SPTBN4: variants seen among roughly 807,000 people sequenced by gnomAD.
The protein encoded by SPTBN4 is spectrin beta, non-erythrocytic 4, also known as spectrin beta chain, non-erythrocytic 4.
In SPTBN4, 96 loss-of-function variants were observed where a neutral mutation model predicts 277.8. The observed-to-expected ratio is 0.35, with a 90% confidence interval of 0.29 to 0.41. The LOEUF (loss-of-function observed/expected upper bound fraction) is 0.41. Among genes scored for constraint, SPTBN4 ranks in the 10% least tolerant of loss-of-function variants. SPTBN4 has a pLI of 1.00. For missense variants in SPTBN4, 3,006 were observed against 3,595.7 expected (o/e 0.84, Z 4.19); for synonymous variants, 1,481 against 1,580.3 (o/e 0.94, Z 1.49).
chr19:40,494,577 C>CTA (rs372492225), intron 5 of SPTBN4, among the ~76,000 whole-genome samples: 120 of 151,844 alleles, frequency 7.9e-4, no homozygotes, highest in Non-Finnish European at 1.4e-3. Flanking sequence ...TTCTATCAAT[C>CTA]TATATATATA....
intron 1 of SPTBN4, 84 bp from the exon 2 acceptor site, chr19:40,472,523 C>A: frequency 7.9e-7 from 1 of 1,271,792 alleles, no homozygotes; most frequent in Non-Finnish European, 1.1e-6. Flanking sequence ...AAATTGAGGA[C>A]AAGAGAGGGG....
rs757249800 is a variant in SPTBN4 at position 40,497,618 on chromosome 19, G to C, written c.784+14G>C. The C allele has an allele frequency of 3.1e-6, 5 of 1,609,294 alleles. No individual in the cohort carries two copies. The East Asian group carries it at 1.1e-4, about 36-fold the overall frequency. On this transcript the variant is annotated intron_variant, in intron 7 of 35. Coordinates refer to ENST00000598249, the MANE Select transcript of SPTBN4 (RefSeq NM_020971.3). ...TGGATCCTGAAGGTGAGCCTCTCGC[G>C]GGCCCAGCCCAGACTTCGTCTTGGG... is the stretch of plus-strand genomic sequence containing the variant.
At position 40,523,557 on chromosome 19, in the gene SPTBN4, G is replaced by T. The variant is rs578153986; in HGVS notation, c.3775G>T (p.Val1259Leu). Reference protein sequence around the residue: ...ELSQQKMQVAVQAAEGLLRQG... With the variant: ...ELSQQKMQVALQAAEGLLRQG... ...GAGCCAGCAAAAGATGCAGGTGGCC[G>T]TGCAGGCTGCAGAGGGCCTGCTGAG... The change falls in exon 17 of 36, where the codon GTG becomes TTG. Residue 1259 changes from valine to leucine, a missense_variant. This residue lies in a region of SPTBN4 where 1,759 missense variants were observed against 2,061.5 expected (regional missense o/e 0.85). Coordinates refer to ENST00000598249, the MANE Select transcript of SPTBN4 (RefSeq NM_020971.3). 6.2e-7 allele frequency: 1 copy of T among 1,614,164 alleles called. No individual in the cohort carries two copies. Among genetic ancestry groups the T allele is most frequent in the East Asian group, 2.2e-5 (1 of 44,876 alleles).
chr19:40,570,850 A>T lies in SPTBN4; in HGVS notation c.7319+122A>T. 33 of 912,752 alleles carry T rather than the reference A, an allele frequency of 3.6e-5. No individual in the cohort carries two copies. In the Middle Eastern group the frequency reaches 1.2e-3, roughly 33 times the overall value. The allele number at this position is 912,752 out of a possible 1,614,324, so 56.5% of individuals were successfully genotyped here. A position where few individuals can be genotyped will look rare whatever the true frequency, so the allele number is the denominator to read the frequency against. ...AGGCCCTCCAGCAGGTGGCGGTAGT[A>T]GGTGGGGCCAGAGCTGGGGGGTGGT... On this transcript the variant is annotated intron_variant, in intron 33 of 35. Coordinates refer to ENST00000598249, the MANE Select transcript of SPTBN4 (RefSeq NM_020971.3).
intron 20 of SPTBN4, 54 bp from the exon 21 acceptor site, chr19:40,549,135 C>T: frequency 3.5e-6 from 5 of 1,442,546 alleles, no homozygotes; most frequent in Non-Finnish European, 4.7e-6. Flanking sequence ...TGGAGAGCCA[C>T]AGCAGGATCA....
chr19:40,470,002 A>T (rs142641416), intron 1 of SPTBN4, among the ~76,000 whole-genome samples: 1,786 of 139,022 alleles, frequency 0.013, 32 homozygotes, highest in Non-Finnish European at 0.014. Context: ...CATTTAATTT[A>T]ATTTTATTTT....
At chr19:40,496,442 G>A (rs1050056938) in intron 6 of SPTBN4, among the ~76,000 whole-genome samples, 6 of 151,868 alleles carry the variant, frequency 4.0e-5, no homozygotes, top group South Asian at 2.1e-4. Flanking sequence ...GTGCCACCAC[G>A]CCCGGCTAAT....
Position 40,565,540 on chromosome 19 carries a change from C to T in SPTBN4, c.6033C>T (p.Asn2011=), listed in dbSNP as rs556991111. ...AGCTGGGGCGATCTCTGCTGCTCAA[C>T]AAAAGTGCCATGGCTGATGAGGTGG... ...CQELGRSLLL[N]KSAMADEIQA... Residue 2011 remains asparagine (N), a synonymous_variant, in exon 28 of 36, where the codon AAC becomes AAT. Transcript: ENST00000598249. 1 of 1,614,004 alleles carries T rather than the reference C, an allele frequency of 6.2e-7. No individual in the cohort carries two copies. The highest frequency in any genetic ancestry group is 1.1e-5 in the South Asian group (1 of 91,080).
chr19:40,567,426 AT>A (rs2081105691), intron 30 of SPTBN4, among the ~76,000 whole-genome samples: 1 of 152,194 alleles, frequency 6.6e-6, no homozygotes, highest in Admixed American at 6.5e-5. Context: ...GATTTACCCA[AT>A]TTTTAAAAAA....
intron 13 of SPTBN4, among the ~76,000 whole-genome samples, chr19:40,510,302 G>A (rs1044225549): frequency 6.7e-6 from 1 of 150,248 alleles, no homozygotes; most frequent in African/African-American, 2.5e-5. Flanking sequence ...TTTTTTTTTT[G>A]TTGTTGTTGT....
rs376426807 is a variant in SPTBN4, at chr19:40,503,980, C to T, written c.1513C>T (p.Arg505Trp). 29 of 1,613,892 alleles carry T rather than the reference C, an allele frequency of 1.8e-5. No individual in the cohort carries two copies. The African/African-American group carries it at 2.3e-4, about 13-fold the overall frequency. ...AGCCGAAGGCTACTACGATATCCGGCGGGTGGCAGCCCAGCGTGACAGCGT... is the reference window on the plus strand; with the variant it reads ...AGCCGAAGGCTACTACGATATCCGGTGGGTGGCAGCCCAGCGTGACAGCGT... ...LAAEGYYDIR[R>W]VAAQRDSVLR... The change falls in exon 12 of 36, where the codon CGG becomes TGG. Residue 505 changes from arginine (R) to tryptophan (W), a missense_variant. Coordinates refer to ENST00000598249, the MANE Select transcript of SPTBN4 (RefSeq NM_020971.3).
At chr19:40,522,679 C>A (rs573069115) in intron 16 of SPTBN4, among the ~76,000 whole-genome samples, 32 of 152,118 alleles carry the variant, frequency 2.1e-4, no homozygotes, top group African/African-American at 7.7e-4. Flanking sequence ...TTACTGAGTG[C>A]CTCCTCTGTG....
rs1205919868 is a variant in SPTBN4 at position 40,574,421 on chromosome 19, G to A, written c.7537-990G>A. Among the ~76,000 whole-genome samples the A allele has an allele frequency of 1.3e-5, 2 of 151,618 alleles. 1 individual carries two copies. Among genetic ancestry groups the A allele is most frequent in the African/African-American group, 4.8e-5 (2 of 41,304 alleles). On this transcript the variant is annotated intron_variant, in intron 35 of 35. Transcript: ENST00000598249. ...TTGTCACCCAGGCTGGAGTGCCATG[G>A]CGCAATCTCAGCTCACTGCAACCTC...
intron 2 of SPTBN4, among the ~76,000 whole-genome samples, chr19:40,480,961 AC>A (rs2080004208): frequency 6.6e-6 from 1 of 152,106 alleles, no homozygotes; most frequent in Non-Finnish European, 1.5e-5. Flanking sequence ...GCTACTCAGG[AC>A]GCTGAGGCAG....
At chr19:40,521,567 G>A (rs2080526973) in intron 16 of SPTBN4, among the ~76,000 whole-genome samples, 1 of 152,128 alleles carries the variant, frequency 6.6e-6, no homozygotes, top group African/African-American at 2.4e-5. Flanking sequence ...TAGGGTTTGT[G>A]TTCCTATGAG....
intron 13 of SPTBN4, among the ~76,000 whole-genome samples, chr19:40,511,652 C>T (rs1276160075): frequency 6.6e-6 from 1 of 152,060 alleles, no homozygotes; most frequent in African/African-American, 2.4e-5. Flanking sequence ...GCCTATAATC[C>T]CAACACTTCG....
rs900472697 is a variant in SPTBN4, at chr19:40,549,420, C to G, written c.4584+7C>G. 4.8e-6 allele frequency: 7 copies of G among 1,469,034 alleles called. No homozygotes were observed. The East Asian group carries it at 1.1e-4, about 23-fold the overall frequency. 91.0% of individuals were successfully genotyped at this position (1,469,034 alleles called of 1,614,324 possible). A position where few individuals can be genotyped will look rare whatever the true frequency, so the allele number is the denominator to read the frequency against. ...CGACCTGGACGACGAGCTGGTGAGGCCAGCGCAGGGGCCTGGGGCGGGGCG... is the reference window on the plus strand; with the variant it reads ...CGACCTGGACGACGAGCTGGTGAGGGCAGCGCAGGGGCCTGGGGCGGGGCG... On this transcript the variant is annotated splice_region_variant and intron_variant, in intron 21 of 35. Coordinates refer to ENST00000598249, the MANE Select transcript of SPTBN4 (RefSeq NM_020971.3).
At position 40,467,207 on chromosome 19, in the gene SPTBN4, T is replaced by TGGGCCGGGCCGGGCCGGGCC. The variant is rs947641459; in HGVS notation, c.-109_-90dup. Reference sequence around the variant, plus strand: ...CCGGCGGGGCCGAGCTGAGCCGGGCTGGGCCGGGCCGGGCCGGGCCGGGCA... The same window carrying TGGGCCGGGCCGGGCCGGGCC: ...CCGGCGGGGCCGAGCTGAGCCGGGCTGGGCCGGGCCGGGCCGGGCCGGGCCGGGCCGGGCCGGGCCGGGCA... On this transcript the variant is annotated 5_prime_UTR_variant, in exon 1 of 36. Transcript: ENST00000598249. 1 of 148,826 alleles carries TGGGCCGGGCCGGGCCGGGCC rather than the reference T, an allele frequency of 6.7e-6. No homozygotes were observed. The highest frequency in any genetic ancestry group is 1.5e-5 in the Non-Finnish European group (1 of 66,632). The allele number at this position is 148,826 out of a possible 1,614,324, so 9.2% of individuals were successfully genotyped here.
Position 40,560,656 on chromosome 19 carries a change from A to G in SPTBN4, c.5915+253A>G, listed in dbSNP as rs2081033784. Reference sequence around the variant, plus strand: ...CCAGTTGCCTATTATTACCCTCTCCATGGGATGTCACAGCATGAAACAGGC... The same window carrying G: ...CCAGTTGCCTATTATTACCCTCTCCGTGGGATGTCACAGCATGAAACAGGC... On this transcript the variant is annotated intron_variant, in intron 27 of 35. Coordinates refer to ENST00000598249, the MANE Select transcript of SPTBN4 (RefSeq NM_020971.3). This position sits in a 1 kb window ranked among gnomAD's most constrained non-coding sequence, Gnocchi z 5.2. The G allele has an allele frequency of 1.1e-5, 16 of 1,424,404 alleles. No homozygotes were observed. In the South Asian group the frequency reaches 1.8e-4, roughly 16 times the overall value. 88.2% of individuals were successfully genotyped at this position (1,424,404 alleles called of 1,614,324 possible). A position where few individuals can be genotyped will look rare whatever the true frequency, so the allele number is the denominator to read the frequency against.
Sources: gnomAD v4.1 joint callset for allele counts (sites outside exome capture counted in the v4.1 genomes callset) on GRCh38, gnomAD v4.1.1 for gene constraint, gnomAD v4.1.1 regional missense constraint, Gnocchi (gnomAD v3.1) non-coding constraint, MANE v1.5 for transcripts, NCBI Gene and HGNC (gene_info 2026-07-23, HGNC 2026-07-21) for gene names.